Variants in SLC35F1 observed in about 807,000 individuals in gnomAD.
The protein encoded by SLC35F1 is solute carrier family 35 member F1.
SLC35F1 carries 14 observed loss-of-function variants against 48.7 expected under a neutral mutation model. The ratio of observed to expected loss-of-function variants is 0.29; its 90% confidence interval spans 0.19 to 0.45. The LOEUF (loss-of-function observed/expected upper bound fraction) is 0.45, where lower values mean the gene tolerates loss of function less well. Among genes scored for constraint, SLC35F1 ranks in the 20% least tolerant of loss-of-function variants. The pLI is 1.00. For missense variants in SLC35F1, 404 were observed against 500.0 expected (o/e 0.81, Z 1.83); for synonymous variants, 190 against 202.2 (o/e 0.94, Z 0.51).
chr6:118,132,831 G>A (rs548751659), intron 1 of SLC35F1, among the ~76,000 whole-genome samples: 1 of 152,240 alleles, frequency 6.6e-6, no homozygotes, highest in African/African-American at 2.4e-5. Flanking sequence ...ATTTAGTCTT[G>A]CCCTACTCAT....
At chr6:118,225,354 AAT>A (rs1418965956) in intron 2 of SLC35F1, among the ~76,000 whole-genome samples, 1 of 152,178 alleles carries the variant, frequency 6.6e-6, no homozygotes, top group Non-Finnish European at 1.5e-5. Flanking sequence ...ATAGCCAACT[AAT>A]TTTTAACAAA....
chr6:118,092,119 A>G (rs1582661534), intron 1 of SLC35F1, among the ~76,000 whole-genome samples: 1 of 152,222 alleles, frequency 6.6e-6, no homozygotes, highest in East Asian at 1.9e-4. Flanking sequence ...AAATTTGCCA[A>G]AGTAATGAAG....
In SLC35F1 at chr6:117,923,597, G is replaced by GTATATATACATATACATA. The variant is rs1562238389; in HGVS notation, c.173+15699_173+15700insATATATACATATACATAT. The stretch of plus-strand genomic sequence containing the variant: ...CATATGTGTGTGTATATATACATAT[G>GTATATATACATATACATA]TGTATATATACATATACATATGTAT... On this transcript the variant is annotated intron_variant, in intron 1 of 7. Coordinates refer to ENST00000360388, the MANE Select transcript of SLC35F1 (RefSeq NM_001029858.4). Among the ~76,000 whole-genome samples, 64 of 14,424 alleles carry GTATATATACATATACATA rather than the reference G, an allele frequency of 4.4e-3. 11 individuals carry two copies. The highest frequency in any genetic ancestry group is 0.029 in the South Asian group (7 of 244). 9.5% of individuals were successfully genotyped at this position (14,424 alleles called of 152,430 possible). A position where few individuals can be genotyped will look rare whatever the true frequency, so the allele number is the denominator to read the frequency against.
At chr6:118,244,489 T>A (rs1012952477) in intron 3 of SLC35F1, among the ~76,000 whole-genome samples, 5 of 152,252 alleles carry the variant, frequency 3.3e-5, no homozygotes, top group Admixed American at 2.6e-4. Context: ...GGGTGACTTA[T>A]GCAGAAATTT....
rs572177674 is a variant in SLC35F1 at position 118,114,750 on chromosome 6, T to G, written c.174-39695T>G. ...CTCTTGCCTCAGATAATGCTGAGCA[T>G]CAGTCAGCTGGTTTTATTGCCAGCA... On this transcript the variant is annotated intron_variant, in intron 1 of 7. Coordinates refer to ENST00000360388, the MANE Select transcript of SLC35F1 (RefSeq NM_001029858.4). 2.0e-5 allele frequency among the ~76,000 whole-genome samples: 3 copies of G among 152,334 alleles called. No individual in the cohort carries two copies. The East Asian group carries it at 5.8e-4, about 29-fold the overall frequency.
intron 1 of SLC35F1, among the ~76,000 whole-genome samples, chr6:117,922,777 C>T (rs1201660638): frequency 6.6e-6 from 1 of 152,156 alleles, no homozygotes; most frequent in African/African-American, 2.4e-5. Context: ...TTAATATCCT[C>T]TTTGAGCCAG....
intron 1 of SLC35F1, among the ~76,000 whole-genome samples, chr6:117,969,508 T>G (rs1396218298): frequency 6.6e-6 from 1 of 152,150 alleles, no homozygotes; most frequent in Non-Finnish European, 1.5e-5. Flanking sequence ...TAGGATCGCT[T>G]GAGATGAGTT....
At chr6:118,013,575 C>A (rs1224504630) in intron 1 of SLC35F1, among the ~76,000 whole-genome samples, 4 of 152,170 alleles carry the variant, frequency 2.6e-5, no homozygotes, top group Non-Finnish European at 4.4e-5. Flanking sequence ...TCTACCCCAC[C>A]TTTTGTGAGG....
At chr6:117,911,960 T>C (rs1237232771) in intron 1 of SLC35F1, among the ~76,000 whole-genome samples, 1 of 152,232 alleles carries the variant, frequency 6.6e-6, no homozygotes, top group Non-Finnish European at 1.5e-5. Flanking sequence ...AATGAAATGT[T>C]TTTGAGAAAT....
chr6:118,155,752 G>T (rs1774130971), intron 2 of SLC35F1, among the ~76,000 whole-genome samples: 1 of 151,914 alleles, frequency 6.6e-6, no homozygotes, highest in African/African-American at 2.4e-5. Context: ...TGTAAAATGT[G>T]CATTGAAAAA....
chr6:118,050,722 G>A (rs182795472), intron 1 of SLC35F1, among the ~76,000 whole-genome samples: 30 of 152,240 alleles, frequency 2.0e-4, no homozygotes, highest in African/African-American at 6.7e-4. Context: ...TGAAGAGGAA[G>A]GTGGGACCAG....
At chr6:118,047,079 T>C (rs1772312130) in intron 1 of SLC35F1, among the ~76,000 whole-genome samples, 1 of 152,148 alleles carries the variant, frequency 6.6e-6, no homozygotes, top group Non-Finnish European at 1.5e-5. Flanking sequence ...CCAATAATTA[T>C]CACACACCTT....
intron 6 of SLC35F1, among the ~76,000 whole-genome samples, chr6:118,283,820 C>T (rs533608783): frequency 6.6e-6 from 1 of 152,074 alleles, no homozygotes; most frequent in Non-Finnish European, 1.5e-5. Context: ...GCATGAAACC[C>T]ACATGCAGAA....
intron 2 of SLC35F1, among the ~76,000 whole-genome samples, chr6:118,199,323 C>T (rs960553706): frequency 1.3e-5 from 2 of 152,140 alleles, no homozygotes; most frequent in African/African-American, 2.4e-5. Flanking sequence ...CTTGCACACA[C>T]TTATATTTAC....
In SLC35F1 at chr6:118,149,917, T is replaced by G. The variant is rs76808217; in HGVS notation, c.174-4528T>G. On this transcript the variant is annotated intron_variant, in intron 1 of 7. Coordinates refer to ENST00000360388, the MANE Select transcript of SLC35F1 (RefSeq NM_001029858.4). ...GTCTTTAACTCCTCTAGAGTATTTC[T>G]GGAAACCAACCACTTAGGTTTCTAG... Among the ~76,000 whole-genome samples the G allele has an allele frequency of 5.2e-3, 786 of 152,320 alleles. 3 individuals are homozygous for G. Among genetic ancestry groups the G allele is most frequent in the Non-Finnish European group, 9.1e-3 (617 of 68,016 alleles).
At chr6:118,021,758 G>T (rs1420821660) in intron 1 of SLC35F1, among the ~76,000 whole-genome samples, 1 of 152,104 alleles carries the variant, frequency 6.6e-6, no homozygotes, top group Non-Finnish European at 1.5e-5. Flanking sequence ...CAGCAATTTG[G>T]CTGGAATTAG....
intron 1 of SLC35F1, among the ~76,000 whole-genome samples, chr6:117,912,842 G>A (rs2224707): frequency 0.8 from 121,052 of 151,578 alleles, 48,526 homozygotes; most frequent in South Asian, 0.89. Flanking sequence ...AAGATGATGT[G>A]TTTTCAGGTA....
At chr6:118,120,538 C>T (rs1773539386) in intron 1 of SLC35F1, among the ~76,000 whole-genome samples, 1 of 152,096 alleles carries the variant, frequency 6.6e-6, no homozygotes, top group African/African-American at 2.4e-5. Flanking sequence ...CTTATCCACC[C>T]TTTTTTCATA....
chr6:118,281,204 C>CTA lies in SLC35F1; in HGVS notation c.847+3675_847+3676dup, dbSNP rs1554244292. 7.0e-3 allele frequency among the ~76,000 whole-genome samples: 910 copies of CTA among 130,438 alleles called. 6 individuals are homozygous for CTA. Among genetic ancestry groups the CTA allele is most frequent in the East Asian group, 0.031 (144 of 4,582 alleles). 85.6% of individuals were successfully genotyped at this position (130,438 alleles called of 152,430 possible). On this transcript the variant is annotated intron_variant, in intron 6 of 7. Transcript: ENST00000360388. ...TCTCTCTCTCTCTCTCTCTCTCTCTCTATATATATATATATATAAAATATT... is the reference window on the plus strand; with the variant it reads ...TCTCTCTCTCTCTCTCTCTCTCTCTCTATATATATATATATATATAAAATATT...
Sources: gnomAD v4.1 joint callset for allele counts (sites outside exome capture counted in the v4.1 genomes callset) on GRCh38, gnomAD v4.1.1 for gene constraint, MANE v1.5 for transcripts, NCBI Gene and HGNC (gene_info 2026-07-23, HGNC 2026-07-21) for gene names.